Variants in PPP1R9A observed in about 807,000 individuals in gnomAD.
PPP1R9A encodes the protein protein phosphatase 1 regulatory subunit 9A, also known as neurabin-1.
In PPP1R9A, 59 loss-of-function variants were observed where a neutral mutation model predicts 141.9. That is an observed-to-expected ratio of 0.42 (90% confidence interval 0.34 to 0.52). The LOEUF is 0.52. Ranked by LOEUF, PPP1R9A falls within the 20% of genes least tolerant of loss-of-function variation. The pLI is 0.10. For synonymous variants in PPP1R9A, 500 were observed against 569.7 expected (o/e 0.88, Z 1.74); for missense variants, 1,444 against 1,611.9 (o/e 0.90, Z 1.78).
intron 2 of PPP1R9A, among the ~76,000 whole-genome samples, chr7:94,962,464 C>T (rs1182039549): frequency 6.6e-6 from 1 of 151,658 alleles, no homozygotes; most frequent in Non-Finnish European, 1.5e-5. Context: ...AGGGTTTTCC[C>T]CATGTTGTGA....
intron 6 of PPP1R9A, among the ~76,000 whole-genome samples, chr7:95,198,882 A>G (rs181971926): frequency 2.0e-5 from 3 of 152,346 alleles, no homozygotes; most frequent in African/African-American, 7.2e-5. Context: ...TTTCCAAAAA[A>G]TCAGTAAACA....
intron 2 of PPP1R9A, among the ~76,000 whole-genome samples, chr7:95,110,537 C>A (rs1456431709): frequency 6.6e-6 from 1 of 152,016 alleles, no homozygotes; most frequent in Non-Finnish European, 1.5e-5. Flanking sequence ...TACTTCAGTT[C>A]CTTTTAAGAT....
Position 95,203,724 on chromosome 7 carries a change from T to C in PPP1R9A, c.1950T>C (p.Phe650=), listed in dbSNP as rs1585226519. 6.5e-7 allele frequency: 1 copy of C among 1,535,488 alleles called. No individual in the cohort carries two copies. The highest frequency in any genetic ancestry group is 8.7e-7 in the Non-Finnish European group (1 of 1,145,596). The part of the protein sequence containing the change: ...SGNCNNNNNY[F]LKTGEYATDE... The stretch of plus-strand genomic sequence containing the variant: ...ACTGCAATAACAATAACAACTATTT[T>C]CTTAAGGTTTGTTTTTTGGTTTAAA... The change falls in exon 7 of 20, where the codon TTT becomes TTC. Residue 650 remains phenylalanine (F), a synonymous_variant. Coordinates refer to ENST00000433360, the MANE Select transcript of PPP1R9A (RefSeq NM_001166160.2).
chr7:95,080,849 AG>A, intron 2 of PPP1R9A, among the ~76,000 whole-genome samples: 1 of 152,338 alleles, frequency 6.6e-6, no homozygotes, highest in East Asian at 1.9e-4. Flanking sequence ...ATGTTATAAC[AG>A]GTTCAGAGAA....
intron 4 of PPP1R9A, among the ~76,000 whole-genome samples, chr7:95,160,854 T>C (rs1830374910): frequency 6.6e-6 from 1 of 152,186 alleles, no homozygotes; most frequent in African/African-American, 2.4e-5. Context: ...AAGGGCATGA[T>C]TTCATTCTTT....
intron 6 of PPP1R9A, 145 bp downstream of exon 6, chr7:95,198,629 T>C: frequency 1.1e-6 from 1 of 936,918 alleles, no homozygotes; most frequent in Non-Finnish European, 1.5e-6. Flanking sequence ...AGAAAAGAAA[T>C]ACTACTCGCA....
chr7:95,276,193 C>T (rs1459315517), intron 16 of PPP1R9A, among the ~76,000 whole-genome samples: 1 of 152,156 alleles, frequency 6.6e-6, no homozygotes, highest in Non-Finnish European at 1.5e-5. Context: ...AAGACAGTCA[C>T]TCCCTCTCAT....
intron 5 of PPP1R9A, among the ~76,000 whole-genome samples, chr7:95,192,193 G>A (rs1287573643): frequency 6.6e-6 from 1 of 151,948 alleles, no homozygotes; most frequent in Non-Finnish European, 1.5e-5. Flanking sequence ...AAGGGAATTG[G>A]GACAGTGTGT....
In PPP1R9A at chr7:95,225,993, T is replaced by G. The variant is rs985342060; in HGVS notation, c.1989T>G (p.Asp663Glu). The G allele has an allele frequency of 3.1e-6, 5 of 1,611,546 alleles. No individual in the cohort carries two copies. The highest frequency in any genetic ancestry group is 4.2e-6 in the Non-Finnish European group (5 of 1,178,204). The change falls in exon 8 of 20, where the codon GAT (aspartate) becomes GAG (glutamate). Residue 663 changes from aspartate (D) to glutamate (E), a missense_variant. Around this residue, in one of 5 missense-constraint regions of PPP1R9A, gnomAD observed 488 missense variants for 542.0 expected, o/e 0.90. Transcript: ENST00000433360. ...TGEYATDEEE[D>E]EVGPVLPGSD... ...AATATGCCACAGATGAAGAAGAAGA[T>G]GAGGTAGGACCTGTCCTTCCTGGCA...
rs139879599 is a variant in PPP1R9A at position 95,246,608 on chromosome 7, G to A, written c.2113-865G>A. ...ATAAGCAATTTGTAGAAGATACATC[G>A]TAACTACTTTTCTGAAGTTGGAAGA... On this transcript the variant is annotated intron_variant, in intron 8 of 19. Coordinates refer to ENST00000433360, the MANE Select transcript of PPP1R9A (RefSeq NM_001166160.2). Among the ~76,000 whole-genome samples, 19 of 152,274 alleles carry A rather than the reference G, an allele frequency of 1.2e-4. No homozygotes were observed. In the East Asian group the frequency reaches 2.9e-3, roughly 23 times the overall value.
At chr7:95,035,828 G>A (rs930927422) in intron 2 of PPP1R9A, 4 of 152,102 alleles carry the variant, frequency 2.6e-5, no homozygotes, top group Non-Finnish European at 5.9e-5. Flanking sequence ...TCAGTCGTAC[G>A]ATTTTCTTCT....
intron 2 of PPP1R9A, among the ~76,000 whole-genome samples, chr7:94,995,608 T>A (rs941430033): frequency 3.9e-5 from 6 of 152,054 alleles, no homozygotes; most frequent in Non-Finnish European, 8.8e-5. Flanking sequence ...ATTCAGCATA[T>A]TTTTTATCTT....
chr7:95,163,905 A>T (rs1830802315), intron 5 of PPP1R9A, among the ~76,000 whole-genome samples: 1 of 152,048 alleles, frequency 6.6e-6, no homozygotes, highest in Admixed American at 6.6e-5. Context: ...CATCCAGCTA[A>T]TTTTGTATTT....
intron 7 of PPP1R9A, among the ~76,000 whole-genome samples, chr7:95,213,898 A>G (rs1031398913): frequency 6.6e-6 from 1 of 152,144 alleles, no homozygotes; most frequent in African/African-American, 2.4e-5. Context: ...CCCTGTTCAC[A>G]AGGAACACTT....
In PPP1R9A at chr7:95,111,289, GAC is replaced by G; in HGVS notation, c.1428_1429del (p.Asp476GlufsTer4). The G allele has an allele frequency of 6.2e-7, 1 of 1,612,018 alleles. No homozygotes were observed. Among genetic ancestry groups the G allele is most frequent in the South Asian group, 1.1e-5 (1 of 91,010 alleles). ...VFNTYSNEDY[D>X]RRNDEVDPVA... is the part of the protein sequence containing the mutation. ...CAACACATACTCCAATGAAGACTATGACAGGAGAAATGACGAAGTTGACCCTG... is the reference window on the plus strand; with the variant it reads ...CAACACATACTCCAATGAAGACTATGAGGAGAAATGACGAAGTTGACCCTG... On this transcript the variant is annotated frameshift_variant, in exon 3 of 20. Transcript: ENST00000433360. LOFTEE classifies it high-confidence loss of function.
intron 2 of PPP1R9A, among the ~76,000 whole-genome samples, chr7:94,985,390 G>A (rs369499412): frequency 2.0e-5 from 3 of 152,056 alleles, no homozygotes; most frequent in Non-Finnish European, 4.4e-5. Context: ...TTAACCTTCC[G>A]TCTCGTTGAT....
At chr7:94,981,847 T>A (rs899407506) in intron 2 of PPP1R9A, among the ~76,000 whole-genome samples, 4 of 152,186 alleles carry the variant, frequency 2.6e-5, no homozygotes, top group Non-Finnish European at 4.4e-5. Flanking sequence ...AATTATACTT[T>A]AAGTTCTAGG....
intron 2 of PPP1R9A, among the ~76,000 whole-genome samples, chr7:95,054,546 C>T (rs1456934363): frequency 2.0e-5 from 3 of 152,108 alleles, no homozygotes; most frequent in African/African-American, 7.2e-5. Flanking sequence ...ACTGATTGTA[C>T]CTGGAGCACA....
chr7:95,134,821 T>C (rs1825348713), intron 4 of PPP1R9A, among the ~76,000 whole-genome samples: 1 of 152,206 alleles, frequency 6.6e-6, no homozygotes, highest in South Asian at 2.1e-4. Flanking sequence ...TTGGCAAATT[T>C]CCTTATAACT....
Sources: gnomAD v4.1 joint callset for allele counts (sites outside exome capture counted in the v4.1 genomes callset) on GRCh38, gnomAD v4.1.1 for gene constraint, gnomAD v4.1.1 regional missense constraint, MANE v1.5 for transcripts, NCBI Gene and HGNC (gene_info 2026-07-23, HGNC 2026-07-21) for gene names.